RNF217: variants seen among roughly 807,000 people sequenced by gnomAD.
RNF217 encodes E3 ubiquitin-protein ligase RNF217.
Under a neutral mutation model 57.8 loss-of-function variants are expected in RNF217, and 31 were observed. The observed-to-expected ratio is 0.54, with a 90% CI of 0.40 to 0.72. RNF217 has a LOEUF of 0.72. Among genes scored for constraint, RNF217 ranks in the 30% least tolerant of loss-of-function variants. RNF217 has a pLI of 0.00. For synonymous variants in RNF217, 313 were observed against 294.0 expected (o/e 1.06, Z -0.66); for missense variants, 696 against 708.3 (o/e 0.98, Z 0.20).
intron 1 of RNF217, chr6:125,009,565 T>C (rs1282362135): frequency 2.9e-6 from 1 of 339,974 alleles, no homozygotes; most frequent in Non-Finnish European, 5.3e-6. Flanking sequence ...GCCTGGCAGC[T>C]GACTATTCTA....
At chr6:125,017,658 A>G (rs1026782458) in intron 1 of RNF217, among the ~76,000 whole-genome samples, 8 of 152,210 alleles carry the variant, frequency 5.3e-5, no homozygotes, top group Admixed American at 6.5e-5. Flanking sequence ...TTATAACCCT[A>G]TCATTAAAAT....
chr6:125,078,112 T>C (rs1015444104), intron 4 of RNF217, among the ~76,000 whole-genome samples: 1 of 152,192 alleles, frequency 6.6e-6, no homozygotes, highest in African/African-American at 2.4e-5. Flanking sequence ...TTTTAATGAT[T>C]TTCCAGTGCG....
intron 1 of RNF217, among the ~76,000 whole-genome samples, chr6:124,997,156 C>G (rs1240628476): frequency 6.6e-6 from 1 of 152,108 alleles, no homozygotes; most frequent in Non-Finnish European, 1.5e-5. Flanking sequence ...TCTGTTTTGA[C>G]CAGGCATAGA....
At chr6:124,981,340 T>A (rs1784152834) in intron 1 of RNF217, among the ~76,000 whole-genome samples, 1 of 152,218 alleles carries the variant, frequency 6.6e-6, no homozygotes, top group African/African-American at 2.4e-5. Context: ...AAGGATGCAC[T>A]GTGGCATATC....
At chr6:125,075,479 G>A (rs1270725116) in intron 3 of RNF217, among the ~76,000 whole-genome samples, 2 of 152,080 alleles carry the variant, frequency 1.3e-5, no homozygotes, top group East Asian at 3.9e-4. Context: ...GCAGGAGAGA[G>A]AATGAATGCA....
intron 1 of RNF217, among the ~76,000 whole-genome samples, chr6:125,035,961 A>G (rs1489906737): frequency 6.6e-6 from 1 of 151,842 alleles, no homozygotes; most frequent in East Asian, 1.9e-4. Flanking sequence ...CAGAATGTGC[A>G]GGATTGTTAC....
At chr6:124,998,383 C>T (rs1366067626) in intron 1 of RNF217, among the ~76,000 whole-genome samples, 1 of 152,194 alleles carries the variant, frequency 6.6e-6, no homozygotes, top group African/African-American at 2.4e-5. Flanking sequence ...TTCAACTTTT[C>T]CTAAAGCCTC....
intron 3 of RNF217, among the ~76,000 whole-genome samples, chr6:125,076,446 T>G (rs1006766432): frequency 6.6e-6 from 1 of 152,182 alleles, no homozygotes; most frequent in African/African-American, 2.4e-5. Context: ...CTTGAGTACC[T>G]GAAATATTAT....
chr6:125,022,481 C>T (rs1259799510), intron 1 of RNF217, among the ~76,000 whole-genome samples: 1 of 152,148 alleles, frequency 6.6e-6, no homozygotes, highest in African/African-American at 2.4e-5. Flanking sequence ...AAAGGTTTTC[C>T]TTCTCTACAT....
chr6:124,963,310 G>A lies in RNF217; in HGVS notation c.766G>A (p.Val256Met), dbSNP rs1441901064. 4 of 1,535,772 alleles carry A rather than the reference G, an allele frequency of 2.6e-6. No individual in the cohort carries two copies. Among genetic ancestry groups the A allele is most frequent in the Non-Finnish European group, 3.5e-6 (4 of 1,146,744 alleles). The change falls in exon 1 of 6, where the codon GTG (valine) becomes ATG (methionine). Residue 256 changes from valine to methionine, a missense_variant. Coordinates refer to ENST00000521654, the MANE Select transcript of RNF217 (RefSeq NM_001286398.3). ...CCTGGGCGGTGTAGGGGATCCCTAT[G>A]TGCCCCTCATGGTGCTGATGTGCCG... ...SGLGGVGDPY[V>M]PLMVLMCRVC...
intron 5 of RNF217, among the ~76,000 whole-genome samples, chr6:125,081,978 A>C (rs1201486578): frequency 6.6e-6 from 1 of 152,076 alleles, no homozygotes; most frequent in Non-Finnish European, 1.5e-5. Context: ...GACAAATAGA[A>C]AACCTTGCAG....
At chr6:125,048,356 GAGTGAATTCA>G (rs1446363254) in intron 2 of RNF217, 3 of 1,017,912 alleles carry the variant, frequency 2.9e-6, no homozygotes, top group Non-Finnish European at 4.1e-6. Flanking sequence ...ACTTTAAGAG[GAGTGAATTCA>G]AGTACTCACA....
chr6:125,052,668 C>A (rs573541077), intron 2 of RNF217, among the ~76,000 whole-genome samples: 26 of 152,182 alleles, frequency 1.7e-4, no homozygotes, highest in African/African-American at 5.8e-4. Flanking sequence ...ACAGTGCTTC[C>A]TTGAAAGTAT....
At chr6:124,987,778 T>C (rs990970328) in intron 1 of RNF217, among the ~76,000 whole-genome samples, 2 of 152,174 alleles carry the variant, frequency 1.3e-5, no homozygotes, top group Non-Finnish European at 2.9e-5. Flanking sequence ...ATTTTAATTT[T>C]TGACAGGATG....
chr6:124,981,448 CA>C (rs1235274066), intron 1 of RNF217, among the ~76,000 whole-genome samples: 1 of 152,058 alleles, frequency 6.6e-6, no homozygotes, highest in Non-Finnish European at 1.5e-5. Flanking sequence ...AGTATGTGAC[CA>C]AACATTGGTT....
At chr6:125,018,897 T>C (rs1237427365) in intron 1 of RNF217, among the ~76,000 whole-genome samples, 1 of 152,116 alleles carries the variant, frequency 6.6e-6, no homozygotes, top group African/African-American at 2.4e-5. Flanking sequence ...GGAGAATCCA[T>C]ATAAAGGGTG....
At chr6:125,031,202 T>G (rs922314405) in intron 1 of RNF217, among the ~76,000 whole-genome samples, 3 of 152,162 alleles carry the variant, frequency 2.0e-5, no homozygotes, top group Admixed American at 2.0e-4. Context: ...ACGAAACCAC[T>G]TTTTCCTCCA....
intron 1 of RNF217, among the ~76,000 whole-genome samples, chr6:125,028,615 A>G (rs913867378): frequency 6.6e-6 from 1 of 152,160 alleles, no homozygotes; most frequent in Non-Finnish European, 1.5e-5. Context: ...TCAGTTTTAA[A>G]AAGTGGAAAG....
At chr6:125,067,101 G>A (rs1787963082) in intron 3 of RNF217, among the ~76,000 whole-genome samples, 1 of 152,138 alleles carries the variant, frequency 6.6e-6, no homozygotes, top group Admixed American at 6.6e-5. Flanking sequence ...CATGATGAAA[G>A]GTATCCAGAA....
Sources: gnomAD v4.1 joint callset for allele counts (sites outside exome capture counted in the v4.1 genomes callset) on GRCh38, gnomAD v4.1.1 for gene constraint, MANE v1.5 for transcripts, NCBI Gene and HGNC (gene_info 2026-07-23, HGNC 2026-07-21) for gene names.